Variants in ANKRD16 observed in about 807,000 individuals in gnomAD.
The protein encoded by ANKRD16 is ankyrin repeat domain-containing protein 16.
In ANKRD16, 35 loss-of-function variants were observed where a neutral mutation model predicts 37.9. That is an observed-to-expected ratio of 0.92 (90% CI 0.71 to 1.23). The LOEUF (loss-of-function observed/expected upper bound fraction) is 1.23. Ranked by LOEUF, ANKRD16 falls within the 50% of genes most tolerant of loss-of-function variation. The pLI, the probability that ANKRD16 is intolerant of heterozygous loss-of-function variation, is 0.00. For missense variants in ANKRD16, 480 were observed against 469.9 expected (o/e 1.02, Z -0.20); for synonymous variants, 206 against 197.2 (o/e 1.04, Z -0.37).
At position 5,880,370 on chromosome 10, in the gene ANKRD16, G is replaced by A. The variant is rs1398291333; in HGVS notation, c.856C>T (p.His286Tyr). 3.1e-6 allele frequency: 5 copies of A among 1,595,206 alleles called. No individual in the cohort carries two copies. Among genetic ancestry groups the A allele is most frequent in the East Asian group, 2.2e-5 (1 of 44,490 alleles). Residue 286 changes from histidine (H) to tyrosine (Y), a missense_variant, in exon 6 of 8, where the codon CAT becomes TAT. By Grantham distance (83) the His-to-Tyr change is moderately conservative. Transcript: ENST00000380094. ...TALHYAAKEG[H>Y]TSTIQTLLSL... ...AAGAGAGTCTGAATTGTACTTGTATGTCCTTCCTGAATTGAAACAAATTTG... is the reference window on the plus strand; with the variant it reads ...AAGAGAGTCTGAATTGTACTTGTATATCCTTCCTGAATTGAAACAAATTTG...
rs2131750690 is a variant in ANKRD16 at position 5,864,200 on chromosome 10, T to G, written c.*34-1509A>C. 6.6e-6 allele frequency among the ~76,000 whole-genome samples: 1 copy of G among 152,220 alleles called. No homozygotes were observed. The highest frequency in any genetic ancestry group is 2.4e-5 in the African/African-American group (1 of 41,482). ...CCACAACTATGCAAAGCTTACAACT[T>G]ACATCCCACAGGAGGACTTCTCAGC... On this transcript the variant is annotated intron_variant, in intron 7 of 7. Coordinates refer to ENST00000380094, the MANE Select transcript of ANKRD16 (RefSeq NM_019046.3). This position sits in a 1 kb window ranked among gnomAD's most constrained non-coding sequence, Gnocchi z 4.4.
At chr10:5,885,804 G>A (rs1842414468) in intron 2 of ANKRD16, 39 bp from the exon 3 acceptor site, 26 of 1,581,902 alleles carry the variant, frequency 1.6e-5, no homozygotes, top group Non-Finnish European at 2.1e-5. Context: ...GAGCTTTTTA[G>A]TGCACACACA....
intron 7 of ANKRD16, among the ~76,000 whole-genome samples, chr10:5,867,801 G>A (rs1032744148): frequency 2.0e-5 from 3 of 152,168 alleles, no homozygotes. Flanking sequence ...TTCTCAGACA[G>A]CTTGCAAGAA....
chr10:5,872,340 A>G (rs11255662), intron 7 of ANKRD16, among the ~76,000 whole-genome samples: 53,495 of 151,434 alleles, frequency 0.35, 10,293 homozygotes, highest in Non-Finnish European at 0.43. Context: ...TTAGCCAGGC[A>G]TGGTGGAGGG....
intron 7 of ANKRD16, among the ~76,000 whole-genome samples, chr10:5,867,811 A>T (rs1842037596): frequency 6.6e-6 from 1 of 152,208 alleles, no homozygotes; most frequent in Non-Finnish European, 1.5e-5. Context: ...GCTTGCAAGA[A>T]ATAACAAAAT....
rs535591613 is a variant in ANKRD16, at chr10:5,871,259, C to T, written c.*33+6838G>A. On this transcript the variant is annotated intron_variant, in intron 7 of 7. Coordinates refer to ENST00000380094, the MANE Select transcript of ANKRD16 (RefSeq NM_019046.3). The surrounding 1 kb of genome is among the most constrained non-coding windows in gnomAD (Gnocchi z 4.5). ...AAAATTAGCCAGGTGTGGAGGCGCA[C>T]GCCTGTAATCCCAGCTACTCAGGAG... 9.0e-4 allele frequency among the ~76,000 whole-genome samples: 137 copies of T among 152,156 alleles called. 1 individual carries two copies. Among genetic ancestry groups the T allele is most frequent in the African/African-American group, 3.1e-3 (127 of 41,500 alleles).
In ANKRD16 at chr10:5,889,371, G is replaced by A; in HGVS notation, c.-17C>T. The A allele has an allele frequency of 8.3e-7, 1 of 1,201,692 alleles. No individual in the cohort carries two copies. The allele number at this position is 1,201,692 out of a possible 1,614,324, so 74.4% of individuals were successfully genotyped here. ...CTGGGCCATCGCCGCGGGTCGGGCC[G>A]GGCTGCGCGGGGAGGCGGCGGGCGG... On this transcript the variant is annotated 5_prime_UTR_variant, in exon 1 of 8. Coordinates refer to ENST00000380094, the MANE Select transcript of ANKRD16 (RefSeq NM_019046.3).
chr10:5,862,379 G>T lies in ANKRD16; in HGVS notation c.*346C>A. The T allele has an allele frequency of 4.5e-6, 2 of 447,320 alleles. No homozygotes were observed. Among genetic ancestry groups the T allele is most frequent in the South Asian group, 3.2e-5 (2 of 62,898 alleles). The allele number at this position is 447,320 out of a possible 1,614,324, so 27.7% of individuals were successfully genotyped here. ...TGTGACGATCAGGGCAGAGGCAGAAGGCACCACCTCAATCTGGGCCTGTCT... is the reference window on the plus strand; with the variant it reads ...TGTGACGATCAGGGCAGAGGCAGAATGCACCACCTCAATCTGGGCCTGTCT... On this transcript the variant is annotated 3_prime_UTR_variant, in exon 8 of 8. Transcript: ENST00000380094. The surrounding 1 kb of genome is among the most constrained non-coding windows in gnomAD (Gnocchi z 6.5).
chr10:5,881,438 T>TTATAAATATATATATATATA lies in ANKRD16; in HGVS notation c.850-1063_850-1062insTATATATATATATATTTATA, dbSNP rs1422263395. ...ATATTTTATAAAATAAAAATATTAT[T>TTATAAATATATATATATATA]TATATATATATATATATATATATAT... On this transcript the variant is annotated intron_variant, in intron 5 of 7. Coordinates refer to ENST00000380094, the MANE Select transcript of ANKRD16 (RefSeq NM_019046.3). Among the ~76,000 whole-genome samples the TTATAAATATATATATATATA allele has an allele frequency of 6.2e-3, 314 of 50,916 alleles. 32 individuals carry two copies. Among genetic ancestry groups the TTATAAATATATATATATATA allele is most frequent in the South Asian group, 0.013 (21 of 1,604 alleles). The allele number at this position is 50,916 out of a possible 152,430, so 33.4% of individuals were successfully genotyped here. A position where few individuals can be genotyped will look rare whatever the true frequency, so the allele number is the denominator to read the frequency against.
Position 5,869,849 on chromosome 10 carries a change from T to C in ANKRD16, c.*34-7158A>G, listed in dbSNP as rs1842061412. 6.6e-6 allele frequency among the ~76,000 whole-genome samples: 1 copy of C among 152,114 alleles called. No individual in the cohort carries two copies. The highest frequency in any genetic ancestry group is 2.1e-4 in the South Asian group (1 of 4,830). On this transcript the variant is annotated intron_variant, in intron 7 of 7. Coordinates refer to ENST00000380094, the MANE Select transcript of ANKRD16 (RefSeq NM_019046.3). This position sits in a 1 kb window ranked among gnomAD's most constrained non-coding sequence, Gnocchi z 4.0. ...TTTTATTTTAAATACAGGGGGTACA[T>C]GTGCAGGTTTGTTACCTGGGTATAT...
In ANKRD16 at chr10:5,883,996, G is replaced by A. The variant is rs199829238; in HGVS notation, c.660C>T (p.Val220=). The A allele has an allele frequency of 1.5e-5, 24 of 1,614,090 alleles. No individual in the cohort carries two copies. In the East Asian group the frequency reaches 2.0e-4, roughly 13 times the overall value. The part of the protein sequence containing the change: ...MDAIQCGHID[V]ARLLLDEHGA... Reference sequence around the variant, plus strand: ...CATGTTCATCGAGGAGCAGCCTAGCGACGTCGATGTGCCCACACTGGATTG... The same window carrying A: ...CATGTTCATCGAGGAGCAGCCTAGCAACGTCGATGTGCCCACACTGGATTG... The change falls in exon 4 of 8, where the codon GTC becomes GTT. Residue 220 remains valine, a synonymous_variant. Coordinates refer to ENST00000380094, the MANE Select transcript of ANKRD16 (RefSeq NM_019046.3).
In ANKRD16 at chr10:5,863,817, C is replaced by T. The variant is rs574258201; in HGVS notation, c.*34-1126G>A. Among the ~76,000 whole-genome samples, 21 of 152,248 alleles carry T rather than the reference C, an allele frequency of 1.4e-4. No homozygotes were observed. In the South Asian group the frequency reaches 3.3e-3, roughly 24 times the overall value. On this transcript the variant is annotated intron_variant, in intron 7 of 7. Transcript: ENST00000380094. This position sits in a 1 kb window ranked among gnomAD's most constrained non-coding sequence, Gnocchi z 4.7. ...GGATGCACCATCTTTAAGACTGTAA[C>T]ACTCACTGCGAGGTCCACGGCTTCA...
Position 5,862,636 on chromosome 10 carries a change from T to C in ANKRD16, c.*89A>G. 1.6e-6 allele frequency: 2 copies of C among 1,289,600 alleles called. No individual in the cohort carries two copies. The highest frequency in any genetic ancestry group is 2.2e-4 in the Middle Eastern group (1 of 4,532). The allele number at this position is 1,289,600 out of a possible 1,614,324, so 79.9% of individuals were successfully genotyped here. ...TCAGGTTCAGGATGACTGAAGCAAG[T>C]TGCACTTGGCTTTCTCTGAGCCGAA... On this transcript the variant is annotated 3_prime_UTR_variant, in exon 8 of 8. Transcript: ENST00000380094. The surrounding 1 kb of genome is among the most constrained non-coding windows in gnomAD (Gnocchi z 6.5).
chr10:5,863,545 G>T lies in ANKRD16; in HGVS notation c.*34-854C>A, dbSNP rs1841971010. On this transcript the variant is annotated intron_variant, in intron 7 of 7. Transcript: ENST00000380094. The surrounding 1 kb of genome is among the most constrained non-coding windows in gnomAD (Gnocchi z 4.7). ...AGCACTCTGTAAAATGGACCAATCA[G>T]CAGGACGTGGGCGGGGACAAATAAG... Among the ~76,000 whole-genome samples the T allele has an allele frequency of 6.6e-6, 1 of 152,124 alleles. No homozygotes were observed. Among genetic ancestry groups the T allele is most frequent in the Admixed American group, 6.5e-5 (1 of 15,274 alleles).
At position 5,866,728 on chromosome 10, in the gene ANKRD16, T is replaced by C. The variant is rs975487248; in HGVS notation, c.*34-4037A>G. ...GGAGAGGGGAGAACAGCAGCGTAAG[T>C]GGCTGGCAGAGGCAGGGAAAGACCA... On this transcript the variant is annotated intron_variant, in intron 7 of 7. Transcript: ENST00000380094. This position sits in a 1 kb window ranked among gnomAD's most constrained non-coding sequence, Gnocchi z 4.3. Among the ~76,000 whole-genome samples, 2 of 151,910 alleles carry C rather than the reference T, an allele frequency of 1.3e-5. No individual in the cohort carries two copies.
chr10:5,883,149 C>T lies in ANKRD16; in HGVS notation c.706G>A (p.Asp236Asn). The change falls in exon 5 of 8, where the codon GAC becomes AAC. Residue 236 changes from aspartate to asparagine, a missense_variant. Coordinates refer to ENST00000380094, the MANE Select transcript of ANKRD16 (RefSeq NM_019046.3). ...TGCAGAGCCTGGGCACCCAGGCTGT[C>T]TTCTGCTGAAAGGCAAGCCTAGTGG... Reference protein sequence around the residue: ...DEHGACLSAEDSLGAQALHRA... With the variant: ...DEHGACLSAENSLGAQALHRA... The T allele has an allele frequency of 1.2e-6, 2 of 1,613,852 alleles. No homozygotes were observed. Among genetic ancestry groups the T allele is most frequent in the Non-Finnish European group, 1.7e-6 (2 of 1,179,998 alleles).
rs1185440137 is a variant in ANKRD16, at chr10:5,874,832, A to G, written c.*33+3265T>C. On this transcript the variant is annotated intron_variant, in intron 7 of 7. Coordinates refer to ENST00000380094, the MANE Select transcript of ANKRD16 (RefSeq NM_019046.3). This position sits in a 1 kb window ranked among gnomAD's most constrained non-coding sequence, Gnocchi z 4.7. ...ACGACAACGCTTCAGGAGAAAATCCAGAATGACGGAGATGCTGGAGACAGA... is the reference window on the plus strand; with the variant it reads ...ACGACAACGCTTCAGGAGAAAATCCGGAATGACGGAGATGCTGGAGACAGA... 6.6e-6 allele frequency among the ~76,000 whole-genome samples: 1 copy of G among 152,182 alleles called. No homozygotes were observed. Among genetic ancestry groups the G allele is most frequent in the Non-Finnish European group, 1.5e-5 (1 of 68,032 alleles).
rs768223198 is a variant in ANKRD16, at chr10:5,874,670, G to A, written c.*33+3427C>T. ...TGTATGTCAGTGGGTTGTGGGGAAGGCTGGGTTTTGAATAAACTGAATGTG... is the reference window on the plus strand; with the variant it reads ...TGTATGTCAGTGGGTTGTGGGGAAGACTGGGTTTTGAATAAACTGAATGTG... On this transcript the variant is annotated intron_variant, in intron 7 of 7. Transcript: ENST00000380094. This position sits in a 1 kb window ranked among gnomAD's most constrained non-coding sequence, Gnocchi z 4.7. Among the ~76,000 whole-genome samples, 4 of 152,166 alleles carry A rather than the reference G, an allele frequency of 2.6e-5. No individual in the cohort carries two copies. Among genetic ancestry groups the A allele is most frequent in the African/African-American group, 7.2e-5 (3 of 41,432 alleles).
At chr10:5,877,149 G>A (rs1164699236) in intron 7 of ANKRD16, among the ~76,000 whole-genome samples, 1 of 151,756 alleles carries the variant, frequency 6.6e-6, no homozygotes, top group African/African-American at 2.4e-5. Context: ...GTCATGCTCT[G>A]TCGCCCAGGC....
Sources: allele counts gnomAD v4.1 joint callset (sites outside exome capture counted in the v4.1 genomes callset), GRCh38; gene constraint gnomAD v4.1.1; non-coding constraint Gnocchi (gnomAD v3.1); transcripts MANE v1.5; gene names NCBI Gene and HGNC (gene_info 2026-07-23, HGNC 2026-07-21).